The following SACM1L variants were observed in gnomAD, a reference collection of about 807,000 sequenced individuals.
SACM1L encodes the protein SAC1 like phosphatidylinositide phosphatase.
In SACM1L, 32 loss-of-function variants were observed where a neutral mutation model predicts 89.5. The ratio of observed to expected loss-of-function variants is 0.36; its 90% CI spans 0.27 to 0.48. The LOEUF (loss-of-function observed/expected upper bound fraction) is 0.48. SACM1L is among the 20% of genes least tolerant of loss of function. The pLI, the probability that SACM1L is intolerant of heterozygous loss-of-function variation, is 0.99. For missense variants in SACM1L, 543 were observed against 708.5 expected (o/e 0.77, Z 2.65); for synonymous variants, 213 against 232.8 (o/e 0.92, Z 0.77).
chr3:45,733,747 T>C (rs17264394), intron 13 of SACM1L, among the ~76,000 whole-genome samples: 3,576 of 152,364 alleles, frequency 0.023, 55 homozygotes, highest in Non-Finnish European at 0.039. Context: ...ATGTGCATTA[T>C]GTGTTATCTC....
At chr3:45,724,390 C>G (rs1240217056) in intron 11 of SACM1L, among the ~76,000 whole-genome samples, 2 of 151,302 alleles carry the variant, frequency 1.3e-5, no homozygotes, top group African/African-American at 4.9e-5. Flanking sequence ...TTACATTTCT[C>G]TAATGATTTG....
intron 9 of SACM1L, 87 bp downstream of exon 9, chr3:45,722,172 T>C: frequency 2.5e-6 from 2 of 804,494 alleles, no homozygotes; most frequent in South Asian, 1.7e-5. Context: ...TTTCCCTCTT[T>C]TCCCTTCTCT....
intron 19 of SACM1L, among the ~76,000 whole-genome samples, chr3:45,741,754 A>C (rs1451324601): frequency 6.6e-6 from 1 of 152,246 alleles, no homozygotes; most frequent in Non-Finnish European, 1.5e-5. Context: ...AGAGCCAGGT[A>C]GTAAATATTT....
At chr3:45,690,874 G>GT (rs1297983526) in intron 1 of SACM1L, among the ~76,000 whole-genome samples, 1 of 152,192 alleles carries the variant, frequency 6.6e-6, no homozygotes, top group African/African-American at 2.4e-5. Flanking sequence ...AGGTTATTGT[G>GT]TATCTGATAG....
intron 11 of SACM1L, among the ~76,000 whole-genome samples, chr3:45,724,046 C>T (rs1207271895): frequency 6.6e-6 from 1 of 151,764 alleles, no homozygotes; most frequent in African/African-American, 2.4e-5. Context: ...GGGTTGTTTT[C>T]ATTTTTTGGC....
chr3:45,710,357 C>G (rs964957594), intron 5 of SACM1L, among the ~76,000 whole-genome samples: 1 of 151,910 alleles, frequency 6.6e-6, no homozygotes, highest in Non-Finnish European at 1.5e-5. Flanking sequence ...TGTGCTAACA[C>G]GCTTGGCTAG....
At chr3:45,740,555 T>G (rs938439819) in intron 19 of SACM1L, among the ~76,000 whole-genome samples, 1 of 152,208 alleles carries the variant, frequency 6.6e-6, no homozygotes, top group African/African-American at 2.4e-5. Context: ...CATAGTAAAT[T>G]TGGAGTCCTG....
At chr3:45,721,621 C>G (rs1389871588) in intron 8 of SACM1L, among the ~76,000 whole-genome samples, 1 of 151,984 alleles carries the variant, frequency 6.6e-6, no homozygotes, top group Non-Finnish European at 1.5e-5. Flanking sequence ...ACCTTTCAAA[C>G]TAGTATTTTT....
chr3:45,739,904 G>T, intron 19 of SACM1L: 1 of 507,266 alleles, frequency 2.0e-6, no homozygotes, highest in Non-Finnish European at 3.5e-6. Context: ...GTCTGAGACA[G>T]GTCTCAGTCA....
intron 7 of SACM1L, among the ~76,000 whole-genome samples, chr3:45,716,587 A>G (rs1481856513): frequency 6.6e-6 from 1 of 152,110 alleles, no homozygotes; most frequent in Non-Finnish European, 1.5e-5. Context: ...CTGCTCACCT[A>G]CCACTGTAGA....
At chr3:45,719,883 T>C (rs549086871) in intron 8 of SACM1L, among the ~76,000 whole-genome samples, 194 of 152,330 alleles carry the variant, frequency 1.3e-3, no homozygotes, top group Non-Finnish European at 7.4e-4. Flanking sequence ...GAACTCAGTG[T>C]AGTTTTCAGT....
chr3:45,696,178 T>C (rs1698122382), intron 1 of SACM1L, among the ~76,000 whole-genome samples: 1 of 152,096 alleles, frequency 6.6e-6, no homozygotes, highest in Admixed American at 6.5e-5. Flanking sequence ...TTTGTATTTT[T>C]AGTAGAGACA....
intron 11 of SACM1L, among the ~76,000 whole-genome samples, chr3:45,725,596 T>G (rs1432134317): frequency 6.6e-6 from 1 of 152,110 alleles, no homozygotes; most frequent in Non-Finnish European, 1.5e-5. Flanking sequence ...CAATTGATAT[T>G]TTGCAGAATT....
At chr3:45,730,396 T>C (rs949275456) in intron 11 of SACM1L, among the ~76,000 whole-genome samples, 1 of 152,128 alleles carries the variant, frequency 6.6e-6, no homozygotes, top group Non-Finnish European at 1.5e-5. Context: ...GCCAAAACTT[T>C]CTTATTGTGT....
intron 11 of SACM1L, among the ~76,000 whole-genome samples, chr3:45,724,298 G>GGTGTGTGT (rs61075879): frequency 0.13 from 17,713 of 139,624 alleles, 1,313 homozygotes; most frequent in Admixed American, 0.17. Flanking sequence ...GTTGTTTTCT[G>GGTGTGTGT]GTGTGTGTGT....
intron 1 of SACM1L, among the ~76,000 whole-genome samples, chr3:45,699,894 T>A (rs1244596638): frequency 1.3e-5 from 2 of 152,220 alleles, no homozygotes; most frequent in Non-Finnish European, 2.9e-5. Context: ...TGTGCTCTTA[T>A]AAACAGCTGA....
At position 45,705,207 on chromosome 3, in the gene SACM1L, C is replaced by G. The variant is rs200918941; in HGVS notation, c.203C>G (p.Ala68Gly). The stretch of plus-strand genomic sequence containing the variant: ...ATACTGGGCACAATCCATCTGGTGG[C>G]AGGTAAGAGAAAATAAGCTAAGATG... Reference protein sequence around the residue: ...FGILGTIHLVAGNYLIVITKK... With the variant: ...FGILGTIHLVGGNYLIVITKK... The change falls in exon 3 of 20, where the codon GCA becomes GGA. Residue 68 changes from alanine to glycine, a missense_variant and splice_region_variant. Ala to Gly is a moderately conservative substitution (Grantham distance 60, BLOSUM62 0). Transcript: ENST00000389061. 6.3e-7 allele frequency: 1 copy of G among 1,599,636 alleles called. No homozygotes were observed. The highest frequency in any genetic ancestry group is 8.6e-7 in the Non-Finnish European group (1 of 1,168,660).
At chr3:45,739,845 A>G (rs550863897) in intron 19 of SACM1L, 4 of 605,500 alleles carry the variant, frequency 6.6e-6, no homozygotes, top group Non-Finnish European at 1.2e-5. Flanking sequence ...GTTTTTTTTA[A>G]CCTCAGATTT....
rs536148615 is a variant in SACM1L, at chr3:45,722,805, A to G, written c.766-64A>G. The G allele has an allele frequency of 4.9e-6, 6 of 1,221,356 alleles. No individual in the cohort carries two copies. The Admixed American group carries it at 5.6e-5, about 11-fold the overall frequency. The allele number at this position is 1,221,356 out of a possible 1,614,324, so 75.7% of individuals were successfully genotyped here. Reference sequence around the variant, plus strand: ...TTCATTAATATATACACCCCTGACAATAAGTAAGGTGAGAAAAACAAGTAT... The same window carrying G: ...TTCATTAATATATACACCCCTGACAGTAAGTAAGGTGAGAAAAACAAGTAT... On this transcript the variant is annotated intron_variant, in intron 9 of 19. Coordinates refer to ENST00000389061, the MANE Select transcript of SACM1L (RefSeq NM_014016.5).
Sources: gnomAD v4.1 joint callset for allele counts (sites outside exome capture counted in the v4.1 genomes callset) on GRCh38, gnomAD v4.1.1 for gene constraint, MANE v1.5 for transcripts, NCBI Gene and HGNC (gene_info 2026-07-23, HGNC 2026-07-21) for gene names.